Variants in GLIS3 observed in about 807,000 individuals in gnomAD.
The protein encoded by GLIS3 is zinc finger protein GLIS3.
GLIS3 carries 53 observed loss-of-function variants against 78.6 expected under a neutral mutation model. That is an observed-to-expected ratio of 0.67 (90% CI 0.54 to 0.85). The LOEUF is 0.85. Among genes scored for constraint, GLIS3 ranks in the 40% least tolerant of loss-of-function variants. The pLI, the probability that GLIS3 is intolerant of heterozygous loss-of-function variation, is 0.00. For synonymous variants in GLIS3, 684 were observed against 509.9 expected (o/e 1.34, Z -4.60); for missense variants, 1,703 against 1,231.1 (o/e 1.38, Z -5.74).
chr9:4,287,675 G>C (rs971697477), intron 1 of GLIS3, among the ~76,000 whole-genome samples: 5 of 152,038 alleles, frequency 3.3e-5, no homozygotes, highest in Non-Finnish European at 7.4e-5. Flanking sequence ...TTTTGTGTAT[G>C]ATCCACTCAA....
chr9:4,316,507 G>C (rs1023462135), intron 2 of GLIS3, among the ~76,000 whole-genome samples: 1 of 152,156 alleles, frequency 6.6e-6, no homozygotes, highest in Non-Finnish European at 1.5e-5. Context: ...ATCAGTTCCT[G>C]GCCAGATTCA....
rs554489852 is a variant in GLIS3 at position 3,980,977 on chromosome 9, C to G, written c.1711-43788G>C. Among the ~76,000 whole-genome samples the G allele has an allele frequency of 1.2e-3, 190 of 152,314 alleles. 1 individual carries two copies. The highest frequency in any genetic ancestry group is 4.4e-3 in the African/African-American group (184 of 41,572). The stretch of plus-strand genomic sequence containing the variant: ...CCCTCCTGCTCAGCATGCGTGCAAG[C>G]TCTACGCTGCTCTGCTGAACTGAAG... On this transcript the variant is annotated intron_variant, in intron 4 of 10. Transcript: ENST00000381971.
rs370074317 is a variant in GLIS3, at chr9:4,314,358, GCTCT to G, written n.265-3834_265-3831del. Among the ~76,000 whole-genome samples the G allele has an allele frequency of 2.8e-4, 42 of 152,256 alleles. No individual in the cohort carries two copies. In the South Asian group the frequency reaches 4.1e-3, roughly 15 times the overall value. On this transcript the variant is annotated intron_variant and non_coding_transcript_variant, in intron 2 of 4. Transcript: ENST00000471664. Reference sequence around the variant, plus strand: ...ACTGTGTAGCTACCTGCCACCCAATGCTCTCTGTTTCCTCAGTGTCCTTACTCTT... The same window carrying G: ...ACTGTGTAGCTACCTGCCACCCAATGCTGTTTCCTCAGTGTCCTTACTCTT...
rs1165267144 is a variant in GLIS3, at chr9:4,028,354, C to G, written c.1710+89414G>C. ...TCATAAAGAGCTACTTAATGAAAAACCAATTATCTTGTTTCCTTCTCTCCT... is the reference window on the plus strand; with the variant it reads ...TCATAAAGAGCTACTTAATGAAAAAGCAATTATCTTGTTTCCTTCTCTCCT... On this transcript the variant is annotated intron_variant, in intron 4 of 10. Transcript: ENST00000381971. Among the ~76,000 whole-genome samples, 8 of 152,228 alleles carry G rather than the reference C, an allele frequency of 5.3e-5. No individual in the cohort carries two copies. In the East Asian group the frequency reaches 1.5e-3, roughly 29 times the overall value.
intron 2 of GLIS3, among the ~76,000 whole-genome samples, chr9:4,173,785 T>C (rs560529136): frequency 7.8e-4 from 118 of 152,124 alleles, no homozygotes; most frequent in Non-Finnish European, 1.4e-3. Flanking sequence ...GCAATATACA[T>C]GTTATTGAAA....
At chr9:4,202,578 G>C (rs1819505390) in intron 2 of GLIS3, among the ~76,000 whole-genome samples, 1 of 152,104 alleles carries the variant, frequency 6.6e-6, no homozygotes, top group Non-Finnish European at 1.5e-5. Flanking sequence ...TTACTATAAG[G>C]CTACGGTAAA....
intron 4 of GLIS3, among the ~76,000 whole-genome samples, chr9:4,102,844 T>C (rs1366565590): frequency 6.6e-6 from 1 of 152,138 alleles, no homozygotes; most frequent in Non-Finnish European, 1.5e-5. Context: ...ACATAAGCCT[T>C]TCAAGCACTG....
At chr9:4,379,082 G>A in the GLIS3 span, among the ~76,000 whole-genome samples, 1 of 152,130 alleles carries the variant, frequency 6.6e-6, no homozygotes, top group Admixed American at 6.5e-5. Context: ...CAGCCTCTCG[G>A]CCGTGTCGTT....
intron 4 of GLIS3, among the ~76,000 whole-genome samples, chr9:3,967,039 A>AAC: frequency 2.7e-5 from 4 of 149,314 alleles, no homozygotes; most frequent in African/African-American, 1.0e-4. Context: ...AAAAACAAAA[A>AAC]AACATTTTGA....
At chr9:4,122,111 G>T (rs1011822726) in intron 3 of GLIS3, among the ~76,000 whole-genome samples, 4 of 152,180 alleles carry the variant, frequency 2.6e-5, no homozygotes, top group African/African-American at 9.6e-5. Flanking sequence ...GAAACCATCA[G>T]CAAAAATGAT....
chr9:4,064,265 A>G (rs1418247094), intron 4 of GLIS3, among the ~76,000 whole-genome samples: 3 of 152,192 alleles, frequency 2.0e-5, no homozygotes, highest in African/African-American at 4.8e-5. Context: ...AGATAGGTGA[A>G]GAAAAATTAT....
At chr9:3,890,331 C>T (rs73384276) in intron 7 of GLIS3, among the ~76,000 whole-genome samples, 6,660 of 152,136 alleles carry the variant, frequency 0.044, 498 homozygotes, top group African/African-American at 0.15. Context: ...GAAGCTCCAG[C>T]CCTCCGCTTG....
chr9:4,321,421 CAAAAAAAAAAAAAAAAAAAAAAAAAA>C (rs35583742), intron 2 of GLIS3, among the ~76,000 whole-genome samples: 5 of 16,304 alleles, frequency 3.1e-4, no homozygotes, highest in South Asian at 7.8e-3. Context: ...GACTCCGTCT[CAAAAAAAAAAAAAAAAAAAAAAAAAA>C]AAAAAAAAAA....
intron 4 of GLIS3, among the ~76,000 whole-genome samples, chr9:3,952,483 G>C (rs933294277): frequency 6.6e-6 from 1 of 152,118 alleles, no homozygotes; most frequent in Non-Finnish European, 1.5e-5. Context: ...CTGACATTAA[G>C]TACAAATTTC....
intron 2 of GLIS3, among the ~76,000 whole-genome samples, chr9:4,156,039 C>A (rs1564128136): frequency 6.6e-6 from 1 of 152,136 alleles, no homozygotes; most frequent in African/African-American, 2.4e-5. Context: ...TCCCTGAACT[C>A]CTCATACCAG....
At chr9:4,093,643 G>A (rs1402938472) in intron 4 of GLIS3, among the ~76,000 whole-genome samples, 1 of 152,188 alleles carries the variant, frequency 6.6e-6, no homozygotes, top group Admixed American at 6.5e-5. Context: ...CAGAAGACTG[G>A]ATACTGGTCT....
chr9:4,427,147 G>C, the GLIS3 span, among the ~76,000 whole-genome samples: 1 of 152,160 alleles, frequency 6.6e-6, no homozygotes, highest in South Asian at 2.1e-4. Flanking sequence ...TTTTATGCAT[G>C]GGTGAGAGGC....
chr9:4,246,005 T>A (rs1823770819), intron 2 of GLIS3, among the ~76,000 whole-genome samples: 1 of 152,180 alleles, frequency 6.6e-6, no homozygotes, highest in African/African-American at 2.4e-5. Flanking sequence ...ACCTCCTCTA[T>A]CTGCCAGAAA....
chr9:4,252,750 T>C (rs1193935668), intron 2 of GLIS3, among the ~76,000 whole-genome samples: 1 of 152,248 alleles, frequency 6.6e-6, no homozygotes, highest in Non-Finnish European at 1.5e-5. Flanking sequence ...CGTGGATTTA[T>C]CTGTCTTTGG....
Sources: allele counts gnomAD v4.1 joint callset (sites outside exome capture counted in the v4.1 genomes callset), GRCh38; gene constraint gnomAD v4.1.1; transcripts MANE v1.5; gene names NCBI Gene and HGNC (gene_info 2026-07-23, HGNC 2026-07-21).